The following HTT variants were observed in gnomAD, a reference collection of about 807,000 sequenced individuals.
HTT encodes huntington disease protein.
In HTT, 104 loss-of-function variants were observed where a neutral mutation model predicts 362.3. The observed-to-expected ratio is 0.29, with a 90% CI of 0.24 to 0.34. The LOEUF (loss-of-function observed/expected upper bound fraction) is 0.34. Among genes scored for constraint, HTT ranks in the 10% least tolerant of loss-of-function variants. The pLI is 1.00. For synonymous variants in HTT, 1,577 were observed against 1,548.7 expected (o/e 1.02, Z -0.43); for missense variants, 3,301 against 3,928.6 (o/e 0.84, Z 4.27).
In HTT at chr4:3,136,217, T is replaced by G. The variant is rs2110193496; in HGVS notation, c.2698-9T>G. ...ATTATGTTTATTTTTATTATCCTTC[T>G]CTCTAAAGCTTTTAAAACTGCAAGA... On this transcript the variant is annotated splice_polypyrimidine_tract_variant and intron_variant, in intron 20 of 66. Transcript: ENST00000355072. The G allele has an allele frequency of 1.3e-6, 2 of 1,556,378 alleles. No individual in the cohort carries two copies. Among genetic ancestry groups the G allele is most frequent in the Non-Finnish European group, 1.8e-6 (2 of 1,132,738 alleles).
intron 40 of HTT, among the ~76,000 whole-genome samples, chr4:3,195,252 G>C (rs745535133): frequency 1.2e-4 from 18 of 152,082 alleles, no homozygotes; most frequent in African/African-American, 4.3e-4. Context: ...ATTGGGATGC[G>C]ATCCCACATC....
chr4:3,206,569 C>A lies in HTT; in HGVS notation c.5792C>A (p.Ser1931Tyr). 1 of 1,614,090 alleles carries A rather than the reference C, an allele frequency of 6.2e-7. No individual in the cohort carries two copies. Among genetic ancestry groups the A allele is most frequent in the Non-Finnish European group, 8.5e-7 (1 of 1,179,978 alleles). Reference sequence around the variant, plus strand: ...CACATTCAAGATCTGATCAGCCTTTCCCACGAGCCTCCAGTACAGGACTTC... The same window carrying A: ...CACATTCAAGATCTGATCAGCCTTTACCACGAGCCTCCAGTACAGGACTTC... ...VNHIQDLISL[S>Y]HEPPVQDFIS... is the part of the protein sequence containing the mutation. Residue 1931 changes from serine to tyrosine, a missense_variant, in exon 43 of 67, where the codon TCC becomes TAC. Physicochemically the swap from Ser to Tyr is moderately radical, Grantham distance 144. Coordinates refer to ENST00000355072, the MANE Select transcript of HTT (RefSeq NM_001388492.1). The surrounding 1 kb of genome is among the most constrained non-coding windows in gnomAD (Gnocchi z 4.6).
Position 3,225,812 on chromosome 4 carries a change from C to T in HTT, c.7848+69C>T, listed in dbSNP as rs362316. The T allele has an allele frequency of 9.4e-3, 10,777 of 1,142,326 alleles. 586 individuals carry two copies. In the African/African-American group the frequency reaches 0.13, roughly 14 times the overall value. The allele number at this position is 1,142,326 out of a possible 1,614,324, so 70.8% of individuals were successfully genotyped here. A position where few individuals can be genotyped will look rare whatever the true frequency, so the allele number is the denominator to read the frequency against. On this transcript the variant is annotated intron_variant, in intron 57 of 66. Transcript: ENST00000355072. ...CCTCAGACTTTGGCGCTTGACACAC[C>T]CAGGAGAAAAGCTCAGTGCACTTTT...
In HTT at chr4:3,216,882, G is replaced by A. The variant is rs577287283; in HGVS notation, c.7055-883G>A. 5.9e-5 allele frequency among the ~76,000 whole-genome samples: 9 copies of A among 151,908 alleles called. No homozygotes were observed. In the South Asian group the frequency reaches 1.7e-3, roughly 28 times the overall value. On this transcript the variant is annotated intron_variant, in intron 51 of 66. Transcript: ENST00000355072. The stretch of plus-strand genomic sequence containing the variant: ...CTACTAAAAATACAAAAAATTAGCC[G>A]GGCGTAGTGGCGGGCGCCTGTAGTC...
intron 28 of HTT, among the ~76,000 whole-genome samples, chr4:3,159,934 A>T (rs1451794282): frequency 1.3e-5 from 2 of 152,226 alleles, no homozygotes; most frequent in Non-Finnish European, 2.9e-5. Context: ...AATAGGACTT[A>T]GTATTTTCTA....
chr4:3,215,302 TC>T (rs1720345734), intron 51 of HTT, 91 bp downstream of exon 51: 1 of 902,394 alleles, frequency 1.1e-6, no homozygotes, highest in South Asian at 1.5e-5. Flanking sequence ...GAGTGTGGAC[TC>T]CTGGAAGCGC....
At chr4:3,161,932 T>A (rs1027500523) in intron 29 of HTT, among the ~76,000 whole-genome samples, 4 of 152,234 alleles carry the variant, frequency 2.6e-5, no homozygotes, top group Admixed American at 2.6e-4. Flanking sequence ...TTTAATTAGA[T>A]CCCGTTTGTC....
At chr4:3,178,271 G>T in intron 34 of HTT, 27 bp from the exon 35 acceptor site, 1 of 1,535,250 alleles carries the variant, frequency 6.5e-7, no homozygotes, top group Non-Finnish European at 9.0e-7. Flanking sequence ...TTAAAAGAAA[G>T]GTCTAAATGG....
intron 18 of HTT, among the ~76,000 whole-genome samples, chr4:3,133,818 T>A (rs1375437777): frequency 6.6e-6 from 1 of 152,170 alleles, no homozygotes; most frequent in Non-Finnish European, 1.5e-5. Context: ...TCTCTCTAGT[T>A]TCCAGGTTTT....
intron 56 of HTT, among the ~76,000 whole-genome samples, chr4:3,224,556 C>G (rs1167637702): frequency 6.6e-6 from 1 of 152,240 alleles, no homozygotes; most frequent in Non-Finnish European, 1.5e-5. Flanking sequence ...TCTCCCCTCC[C>G]TGGGCCCTGC....
chr4:3,102,050 G>C (rs1390668054), intron 3 of HTT, among the ~76,000 whole-genome samples: 1 of 152,216 alleles, frequency 6.6e-6, no homozygotes, highest in Non-Finnish European at 1.5e-5. Context: ...AGAATTAGGG[G>C]CTCTTGAAGA....
At position 3,171,868 on chromosome 4, in the gene HTT, T is replaced by A. The variant is rs1258476240; in HGVS notation, c.3865-452T>A. ...TGTGAGAAGAGTAACATTAAGGTAG[T>A]TATTTGGTCATTTTTGCAGATTATT... On this transcript the variant is annotated intron_variant, in intron 29 of 66. Transcript: ENST00000355072. Among the ~76,000 whole-genome samples, 4 of 152,168 alleles carry A rather than the reference T, an allele frequency of 2.6e-5. No individual in the cohort carries two copies. The East Asian group carries it at 5.8e-4, about 22-fold the overall frequency.
At position 3,148,195 on chromosome 4, in the gene HTT, A is replaced by C. The variant is rs952397587; in HGVS notation, c.3486A>C (p.Gly1162=). Residue 1162 remains glycine, a synonymous_variant, in exon 26 of 67, where the codon GGA becomes GGC. Coordinates refer to ENST00000355072, the MANE Select transcript of HTT (RefSeq NM_001388492.1). ...ACGTCCTGGATGACGTGGCTCCTGG[A>C]CCCGCAATAAAGGTAATGTCCCACT... ...CAHVLDDVAP[G]PAIKAALPSL... The C allele has an allele frequency of 6.3e-7, 1 of 1,575,988 alleles. No homozygotes were observed. The highest frequency in any genetic ancestry group is 8.6e-7 in the Non-Finnish European group (1 of 1,160,022).
chr4:3,166,408 C>T (rs971633146), intron 29 of HTT, among the ~76,000 whole-genome samples: 1 of 152,212 alleles, frequency 6.6e-6, no homozygotes, highest in African/African-American at 2.4e-5. Context: ...TGTTCATTAT[C>T]GGAGCTTGAA....
rs1645578220 is a variant in HTT at position 3,238,963 on chromosome 4, C to G, written c.9200C>G (p.Pro3067Arg). 1 of 1,606,580 alleles carries G rather than the reference C, an allele frequency of 6.2e-7. No homozygotes were observed. Among genetic ancestry groups the G allele is most frequent in the Admixed American group, 1.7e-5 (1 of 59,490 alleles). ...SCFFVSASTS[P>R]WVAAILPHVI... ...TTCTTTGTCAGCGCGTCCACCAGCCCGTGGGTCGCGGCGATGTATCCTCTC... is the reference window on the plus strand; with the variant it reads ...TTCTTTGTCAGCGCGTCCACCAGCCGGTGGGTCGCGGCGATGTATCCTCTC... The change falls in exon 66 of 67, where the codon CCG (proline) becomes CGG (arginine). Residue 3067 changes from proline to arginine, a missense_variant. By Grantham distance (103) the Pro-to-Arg change is moderately radical. This residue lies in a region of HTT where 753 missense variants were observed against 1,021.3 expected (regional missense o/e 0.74). Coordinates refer to ENST00000355072, the MANE Select transcript of HTT (RefSeq NM_001388492.1).
intron 25 of HTT, among the ~76,000 whole-genome samples, chr4:3,147,564 A>C (rs3025844): frequency 6.6e-6 from 1 of 152,230 alleles, no homozygotes; most frequent in Admixed American, 6.5e-5. Context: ...AAAGGGACTA[A>C]AAGATGAGTA....
intron 41 of HTT, among the ~76,000 whole-genome samples, chr4:3,202,145 A>G (rs138800905): frequency 3.9e-3 from 593 of 152,228 alleles, no homozygotes; most frequent in Middle Eastern, 6.8e-3. Context: ...AGTCCTGCCT[A>G]TACTTTGGCG....
chr4:3,171,748 A>T (rs1717986426), intron 29 of HTT, among the ~76,000 whole-genome samples: 4 of 152,178 alleles, frequency 2.6e-5, no homozygotes, highest in Admixed American at 2.6e-4. Context: ...AAATGCTGGG[A>T]TTACAGGCGT....
chr4:3,185,235 T>C (rs1379165805), intron 37 of HTT, among the ~76,000 whole-genome samples: 10 of 152,040 alleles, frequency 6.6e-5, no homozygotes, highest in Non-Finnish European at 1.5e-4. Context: ...ACAGGGAGGA[T>C]CAGTTCATGA....
Sources: gnomAD v4.1 joint callset for allele counts (sites outside exome capture counted in the v4.1 genomes callset) on GRCh38, gnomAD v4.1.1 for gene constraint, gnomAD v4.1.1 regional missense constraint, Gnocchi (gnomAD v3.1) non-coding constraint, MANE v1.5 for transcripts, NCBI Gene and HGNC (gene_info 2026-07-23, HGNC 2026-07-21) for gene names.